The following PANK2 variants were observed in gnomAD, a reference collection of about 807,000 sequenced individuals.
PANK2 encodes pantothenate kinase 2, mitochondrial.
In PANK2, 36 loss-of-function variants were observed where a neutral mutation model predicts 43.1. That is an observed-to-expected ratio of 0.84 (90% CI 0.64 to 1.10). The LOEUF is 1.10. Ranked by LOEUF, PANK2 falls within the 50% of genes least tolerant of loss-of-function variation. PANK2 has a pLI of 0.00. For missense variants in PANK2, 576 were observed against 593.3 expected (o/e 0.97, Z 0.30); for synonymous variants, 281 against 238.2 (o/e 1.18, Z -1.66).
intron 1 of PANK2, among the ~76,000 whole-genome samples, chr20:3,895,278 A>AAAT (rs1195160899): frequency 4.0e-5 from 6 of 151,660 alleles, no homozygotes; most frequent in African/African-American, 9.7e-5. Flanking sequence ...CATCTCAAAT[A>AAAT]AAATAAATAA....
At chr20:3,897,476 G>A (rs994371036) in intron 1 of PANK2, among the ~76,000 whole-genome samples, 2 of 152,112 alleles carry the variant, frequency 1.3e-5, no homozygotes, top group Non-Finnish European at 2.9e-5. Context: ...TGAGGCGGGT[G>A]GATCGCTTGA....
chr20:3,898,968 G>A (rs1011971780), intron 1 of PANK2, among the ~76,000 whole-genome samples: 4 of 151,610 alleles, frequency 2.6e-5, no homozygotes, highest in East Asian at 1.9e-4. Flanking sequence ...TCTGCCTCCC[G>A]GGTTCAAGTG....
chr20:3,908,408 G>A, intron 2 of PANK2, 130 bp downstream of exon 2: 1 of 924,612 alleles, frequency 1.1e-6, no homozygotes, highest in Non-Finnish European at 1.6e-6. Context: ...AAGATTAAAG[G>A]TACGCTAGTG....
intron 1 of PANK2, among the ~76,000 whole-genome samples, chr20:3,891,657 A>C (rs779951949): frequency 2.4e-4 from 36 of 152,308 alleles, no homozygotes; most frequent in Non-Finnish European, 4.3e-4. Context: ...ATTTTTAGAT[A>C]CTGTGGAAGT....
rs750463782 is a variant in PANK2 at position 3,928,059 on chromosome 20, T to A, written c.*4765T>A. On this transcript the variant is annotated 3_prime_UTR_variant, in exon 7 of 7. Coordinates refer to ENST00000610179, the MANE Select transcript of PANK2 (RefSeq NM_001386393.1). The stretch of plus-strand genomic sequence containing the variant: ...ACACTCCCCAGCACATGGGGATCCC[T>A]TATTAATCTTTACTAAAGAACCGTG... 1 of 152,196 alleles carries A rather than the reference T, an allele frequency of 6.6e-6. No individual in the cohort carries two copies. Among genetic ancestry groups the A allele is most frequent in the African/African-American group, 2.4e-5 (1 of 41,444 alleles). The allele number at this position is 152,196 out of a possible 1,614,324, so 9.4% of individuals were successfully genotyped here.
rs746054643 is a variant in PANK2, at chr20:3,889,688, C to G, written c.258C>G (p.Val86=). The G allele has an allele frequency of 1.1e-4, 175 of 1,594,786 alleles. 2 individuals are homozygous for G. In the Middle Eastern group the frequency reaches 2.2e-3, roughly 20 times the overall value. The change falls in exon 1 of 7, where the codon GTC becomes GTG. Residue 86 remains valine, a synonymous_variant. Coordinates refer to ENST00000610179, the MANE Select transcript of PANK2 (RefSeq NM_001386393.1). ...GCTCTTACAGCGGCCCCACCTCGGT[C>G]TCCCGCCAGCGCGTCGAAAGCCTGA... is the stretch of plus-strand genomic sequence containing the variant.
Position 3,890,136 on chromosome 20 carries a change from C to T in PANK2, c.298+408C>T, listed in dbSNP as rs140312489. On this transcript the variant is annotated intron_variant, in intron 1 of 6. Transcript: ENST00000610179. ...CCGTGGGTTTCCAAAGAGCTGCTCT[C>T]TAATACTTTAAGTCCCTTTTATTCG... Among the ~76,000 whole-genome samples the T allele has an allele frequency of 4.1e-4, 62 of 152,312 alleles. 1 individual carries two copies. Among genetic ancestry groups the T allele is most frequent in the African/African-American group, 1.4e-3 (60 of 41,556 alleles).
chr20:3,925,230 C>G lies in PANK2; in HGVS notation c.*1936C>G, dbSNP rs891083336. 1 of 152,352 alleles carries G rather than the reference C, an allele frequency of 6.6e-6. No individual in the cohort carries two copies. Among genetic ancestry groups the G allele is most frequent in the Non-Finnish European group, 1.5e-5 (1 of 68,150 alleles). The allele number at this position is 152,352 out of a possible 1,614,324, so 9.4% of individuals were successfully genotyped here. ...ATGTTCCACCTTGTGCTCAGTAAAC[C>G]CTGTCACTCCACAGCAGGGTTTTTG... On this transcript the variant is annotated 3_prime_UTR_variant, in exon 7 of 7. Transcript: ENST00000610179.
chr20:3,890,048 C>T (rs2090094586), intron 1 of PANK2: 2 of 747,396 alleles, frequency 2.7e-6, no homozygotes. Flanking sequence ...CTCGAGAAGG[C>T]TTCTTTTGAC....
chr20:3,902,199 G>T lies in PANK2; in HGVS notation c.299-5727G>T, dbSNP rs1477156249. Among the ~76,000 whole-genome samples, 4 of 148,800 alleles carry T rather than the reference G, an allele frequency of 2.7e-5. No homozygotes were observed. In the Admixed American group the frequency reaches 2.7e-4, roughly 10 times the overall value. The stretch of plus-strand genomic sequence containing the variant: ...TTTTTTAGTTAGAGACAGAGTCTCA[G>T]TCTGTTACCCAGGCTGGAGTGCGGT... On this transcript the variant is annotated intron_variant, in intron 1 of 6. Transcript: ENST00000610179.
chr20:3,916,226 C>T (rs1293569538), intron 4 of PANK2, among the ~76,000 whole-genome samples: 1 of 152,142 alleles, frequency 6.6e-6, no homozygotes, highest in Non-Finnish European at 1.5e-5. Context: ...ATCATTGTCT[C>T]CATTTTGAGA....
rs71195867 is a variant in PANK2 at position 3,907,099 on chromosome 20, C to CTTTTT, written c.299-809_299-805dup. ...CGTGAGCCACCGTGCCCAGCCCTGC[C>CTTTTT]TTTTTTTTTTTTTTTTTTTTTTGAG... On this transcript the variant is annotated intron_variant, in intron 1 of 6. Coordinates refer to ENST00000610179, the MANE Select transcript of PANK2 (RefSeq NM_001386393.1). Among the ~76,000 whole-genome samples, 659 of 80,592 alleles carry CTTTTT rather than the reference C, an allele frequency of 8.2e-3. 42 individuals are homozygous for CTTTTT. Among genetic ancestry groups the CTTTTT allele is most frequent in the Middle Eastern group, 0.026 (2 of 76 alleles). The allele number at this position is 80,592 out of a possible 152,430, so 52.9% of individuals were successfully genotyped here.
At chr20:3,918,149 A>G (rs2090591916) in intron 5 of PANK2, among the ~76,000 whole-genome samples, 2 of 152,256 alleles carry the variant, frequency 1.3e-5, no homozygotes, top group African/African-American at 4.8e-5. Context: ...GGCTGCACCA[A>G]TTTAGATCAT....
rs1005015539 is a variant in PANK2, at chr20:3,910,450, C to T, written c.652-127C>T. ...TCCTAAATCTGTTCTGTAAAGCATG[C>T]ACAAATAATACACATCTGTGAGTGC... is the stretch of plus-strand genomic sequence containing the variant. On this transcript the variant is annotated intron_variant, in intron 2 of 6. Transcript: ENST00000610179. The T allele has an allele frequency of 5.5e-6, 6 of 1,084,040 alleles. No homozygotes were observed. The African/African-American group carries it at 7.7e-5, about 14-fold the overall frequency. 67.2% of individuals were successfully genotyped at this position (1,084,040 alleles called of 1,614,324 possible).
At chr20:3,905,313 T>C (rs2090367024) in intron 1 of PANK2, among the ~76,000 whole-genome samples, 1 of 152,134 alleles carries the variant, frequency 6.6e-6, no homozygotes. Flanking sequence ...TATGCATGGT[T>C]ATTGCCTCTG....
intron 1 of PANK2, among the ~76,000 whole-genome samples, chr20:3,899,947 G>A (rs1436131558): frequency 6.6e-6 from 1 of 151,202 alleles, no homozygotes; most frequent in Non-Finnish European, 1.5e-5. Context: ...CTCGTGATCC[G>A]CCTGCCTCGG....
intron 5 of PANK2, chr20:3,917,468 T>TC (rs71647851): frequency 0.012 from 6,527 of 534,864 alleles, 338 homozygotes; most frequent in African/African-American, 0.11. Flanking sequence ...CCTCCTTGGC[T>TC]CCCCCACCTC....
In PANK2 at chr20:3,896,229, ATTTTTTT is replaced by A. The variant is rs35978823; in HGVS notation, c.298+6517_298+6523del. 2.3e-3 allele frequency among the ~76,000 whole-genome samples: 259 copies of A among 111,934 alleles called. 1 individual carries two copies. Among genetic ancestry groups the A allele is most frequent in the African/African-American group, 8.2e-3 (239 of 29,124 alleles). 73.4% of individuals were successfully genotyped at this position (111,934 alleles called of 152,430 possible). On this transcript the variant is annotated intron_variant, in intron 1 of 6. Transcript: ENST00000610179. ...AGGTGCCCGCCACCACGCCTGGCTA[ATTTTTTT>A]TTTTTTTTTTTTTTTGTATTTTTAG...
intron 1 of PANK2, among the ~76,000 whole-genome samples, chr20:3,897,508 C>T (rs1360377514): frequency 6.6e-6 from 1 of 151,654 alleles, no homozygotes; most frequent in Non-Finnish European, 1.5e-5. Context: ...TGAGACCAGT[C>T]CGGGCAACAT....
Sources: allele counts gnomAD v4.1 joint callset (sites outside exome capture counted in the v4.1 genomes callset), GRCh38; gene constraint gnomAD v4.1.1; transcripts MANE v1.5; gene names NCBI Gene and HGNC (gene_info 2026-07-23, HGNC 2026-07-21).